Variants in SLC9A5 observed in about 807,000 individuals in gnomAD.
The protein encoded by SLC9A5 is solute carrier family 9 member A5.
In SLC9A5, 52 loss-of-function variants were observed where a neutral mutation model predicts 91.7. The ratio of observed to expected loss-of-function variants is 0.57; its 90% CI spans 0.45 to 0.71. SLC9A5 has a LOEUF of 0.71. Ranked by LOEUF, SLC9A5 falls within the 30% of genes least tolerant of loss-of-function variation. The pLI, the probability that SLC9A5 is intolerant of heterozygous loss-of-function variation, is 0.00. For missense variants in SLC9A5, 871 were observed against 1,158.9 expected (o/e 0.75, Z 3.61); for synonymous variants, 419 against 474.5 (o/e 0.88, Z 1.52).
chr16:67,254,423 G>A (rs1346761621), intron 2 of SLC9A5, among the ~76,000 whole-genome samples: 1 of 152,182 alleles, frequency 6.6e-6, no homozygotes, highest in Non-Finnish European at 1.5e-5. Flanking sequence ...TTGAGACTGA[G>A]TCTCACTGTG....
chr16:67,255,678 C>T lies in SLC9A5; in HGVS notation c.734-75C>T, dbSNP rs1027475853. On this transcript the variant is annotated intron_variant, in intron 4 of 15. Transcript: ENST00000299798. This position sits in a 1 kb window ranked among gnomAD's most constrained non-coding sequence, Gnocchi z 4.9. ...TGCGGTGGGCATCATCCCTCACTCC[C>T]TGCCAGGCAGCAGTCTTGTCAGCCC... 4 of 1,479,984 alleles carry T rather than the reference C, an allele frequency of 2.7e-6. No individual in the cohort carries two copies. Among genetic ancestry groups the T allele is most frequent in the African/African-American group, 2.8e-5 (2 of 71,808 alleles). The allele number at this position is 1,479,984 out of a possible 1,614,324, so 91.7% of individuals were successfully genotyped here.
At chr16:67,250,973 A>T (rs909383083) in intron 1 of SLC9A5, among the ~76,000 whole-genome samples, 3 of 152,246 alleles carry the variant, frequency 2.0e-5, no homozygotes, top group Non-Finnish European at 4.4e-5. Context: ...CCCCTCCTAC[A>T]GACAGAACTG....
At chr16:67,265,246 C>T in intron 14 of SLC9A5, 140 bp downstream of exon 14, 3 of 730,274 alleles carry the variant, frequency 4.1e-6, no homozygotes, top group Non-Finnish European at 7.0e-6. Context: ...GACTTGATTT[C>T]CAAGTTGGAA....
chr16:67,255,101 G>T lies in SLC9A5; in HGVS notation c.571G>T (p.Ala191Ser). ...GGCGGTGGACCCCGTGGCCGTGCTAGCTGTCTTTGAGGAGGTGCACGTCAA... is the reference window on the plus strand; with the variant it reads ...GGCGGTGGACCCCGTGGCCGTGCTATCTGTCTTTGAGGAGGTGCACGTCAA... ...ISAVDPVAVL[A>S]VFEEVHVNET... Residue 191 changes from alanine (A) to serine (S), a missense_variant, in exon 3 of 16, where the codon GCT (alanine) becomes TCT (serine). Ala to Ser is a moderately conservative substitution (Grantham distance 99, BLOSUM62 1). Coordinates refer to ENST00000299798, the MANE Select transcript of SLC9A5 (RefSeq NM_004594.3). This position sits in a 1 kb window ranked among gnomAD's most constrained non-coding sequence, Gnocchi z 4.9. 4 of 1,614,102 alleles carry T rather than the reference G, an allele frequency of 2.5e-6. No homozygotes were observed. The highest frequency in any genetic ancestry group is 3.4e-6 in the Non-Finnish European group (4 of 1,180,004).
rs749009206 is a variant in SLC9A5 at position 67,259,812 on chromosome 16, T to C, written c.1716-8T>C. On this transcript the variant is annotated splice_region_variant and splice_polypyrimidine_tract_variant and intron_variant, in intron 11 of 15. Coordinates refer to ENST00000299798, the MANE Select transcript of SLC9A5 (RefSeq NM_004594.3). ...CTCTCCAGCACATGTGTCCCCTGCC[T>C]CCTGCAGGAGGGAGAGTGGCAGTGG... 9.9e-6 allele frequency: 16 copies of C among 1,613,804 alleles called. No homozygotes were observed. The highest frequency in any genetic ancestry group is 1.7e-4 in the Middle Eastern group (1 of 6,058).
chr16:67,268,150 T>C (rs1264466994), intron 15 of SLC9A5, among the ~76,000 whole-genome samples: 1 of 150,616 alleles, frequency 6.6e-6, no homozygotes, highest in African/African-American at 2.4e-5. Flanking sequence ...TAGCTGGGAC[T>C]ACAGGCACAC....
Position 67,255,121 on chromosome 16 carries a change from C to T in SLC9A5, c.591C>T (p.His197=), listed in dbSNP as rs771882431. 1.2e-5 allele frequency: 19 copies of T among 1,613,920 alleles called. No individual in the cohort carries two copies. In the African/African-American group the frequency reaches 1.2e-4, roughly 10 times the overall value. ...TGCTAGCTGTCTTTGAGGAGGTGCA[C>T]GTCAATGAGACTCTCTTTATCATCG... ...VAVLAVFEEV[H]VNETLFIIVF... is the part of the protein sequence containing the mutation. Residue 197 remains histidine, a synonymous_variant, in exon 3 of 16, where the codon CAC becomes CAT. Transcript: ENST00000299798. This position sits in a 1 kb window ranked among gnomAD's most constrained non-coding sequence, Gnocchi z 4.9.
intron 12 of SLC9A5, chr16:67,263,222 T>C (rs1263186805): frequency 6.6e-6 from 1 of 151,934 alleles, no homozygotes; most frequent in Non-Finnish European, 1.5e-5. Context: ...GGACCCCTTC[T>C]CCCCAGGAGA....
At position 67,258,618 on chromosome 16, in the gene SLC9A5, C is replaced by T. The variant is rs1365732041; in HGVS notation, c.1626+171C>T. Among the ~76,000 whole-genome samples, 1 of 152,192 alleles carries T rather than the reference C, an allele frequency of 6.6e-6. No homozygotes were observed. Among genetic ancestry groups the T allele is most frequent in the Non-Finnish European group, 1.5e-5 (1 of 68,040 alleles). ...AGGAAGCAGCTGGGTCTGGTGCTGA[C>T]ATTCAGAGTCTGGCAGGCAGTCCAG... is the stretch of plus-strand genomic sequence containing the variant. On this transcript the variant is annotated intron_variant, in intron 10 of 15. Transcript: ENST00000299798. The surrounding 1 kb of genome is among the most constrained non-coding windows in gnomAD (Gnocchi z 4.5).
chr16:67,264,207 T>A (rs2035623776), intron 12 of SLC9A5, 145 bp from the exon 13 acceptor site: 1 of 674,122 alleles, frequency 1.5e-6, no homozygotes. Context: ...CTGTTGTATT[T>A]TTTGTTTTGT....
At position 67,256,769 on chromosome 16, in the gene SLC9A5, C is replaced by A; in HGVS notation, c.1132+80C>A. The A allele has an allele frequency of 7.4e-7, 1 of 1,356,978 alleles. No individual in the cohort carries two copies. The allele number at this position is 1,356,978 out of a possible 1,614,324, so 84.1% of individuals were successfully genotyped here. A position where few individuals can be genotyped will look rare whatever the true frequency, so the allele number is the denominator to read the frequency against. On this transcript the variant is annotated intron_variant, in intron 6 of 15. Coordinates refer to ENST00000299798, the MANE Select transcript of SLC9A5 (RefSeq NM_004594.3). The surrounding 1 kb of genome is among the most constrained non-coding windows in gnomAD (Gnocchi z 4.1). The stretch of plus-strand genomic sequence containing the variant: ...CAGCTCATCTCCCTATCTGAGTCCA[C>A]ATCTTTGTCAATTCCTAAGCCTCCT...
chr16:67,268,704 ATATATATT>A lies in SLC9A5; in HGVS notation c.2219-2032_2219-2025del, dbSNP rs1390602149. Among the ~76,000 whole-genome samples the A allele has an allele frequency of 2.6e-3, 239 of 91,090 alleles. 6 individuals carry two copies. Among genetic ancestry groups the A allele is most frequent in the African/African-American group, 5.8e-3 (132 of 22,710 alleles). The allele number at this position is 91,090 out of a possible 152,430, so 59.8% of individuals were successfully genotyped here. A position where few individuals can be genotyped will look rare whatever the true frequency, so the allele number is the denominator to read the frequency against. Reference sequence around the variant, plus strand: ...TATATATATATATATATATATATATATATATATTTTTACAGTAGGCTTGTCCAATGTCC... The same window carrying A: ...TATATATATATATATATATATATATATTTACAGTAGGCTTGTCCAATGTCC... On this transcript the variant is annotated intron_variant, in intron 15 of 15. Coordinates refer to ENST00000299798, the MANE Select transcript of SLC9A5 (RefSeq NM_004594.3).
rs143734619 is a variant in SLC9A5, at chr16:67,252,494, G to T, written c.188-48G>T. Reference sequence around the variant, plus strand: ...TGGGAGTTCATAGGCCTGTGTGTGGGAGGATATTCCATAAACTGATCCATC... The same window carrying T: ...TGGGAGTTCATAGGCCTGTGTGTGGTAGGATATTCCATAAACTGATCCATC... On this transcript the variant is annotated intron_variant, in intron 1 of 15. Coordinates refer to ENST00000299798, the MANE Select transcript of SLC9A5 (RefSeq NM_004594.3). The surrounding 1 kb of genome is among the most constrained non-coding windows in gnomAD (Gnocchi z 4.0). 6.0e-6 allele frequency: 9 copies of T among 1,505,470 alleles called. No individual in the cohort carries two copies. In the East Asian group the frequency reaches 2.0e-4, roughly 34 times the overall value. 93.3% of individuals were successfully genotyped at this position (1,505,470 alleles called of 1,614,324 possible).
intron 15 of SLC9A5, 27 bp downstream of exon 15, chr16:67,266,252 C>T (rs780231487): frequency 6.4e-7 from 1 of 1,560,706 alleles, no homozygotes; most frequent in Non-Finnish European, 8.6e-7. Flanking sequence ...TGCCCACCTC[C>T]CCTCTGGAGC....
chr16:67,252,106 G>A lies in SLC9A5; in HGVS notation c.188-436G>A, dbSNP rs1012817796. On this transcript the variant is annotated intron_variant, in intron 1 of 15. Transcript: ENST00000299798. This position sits in a 1 kb window ranked among gnomAD's most constrained non-coding sequence, Gnocchi z 4.0. ...CTGCAGGGGAGGGTTTGTAGCCCTG[G>A]AGATTGGAAATTCTAGAAGTCTTGC... 6.6e-6 allele frequency among the ~76,000 whole-genome samples: 1 copy of A among 152,152 alleles called. No individual in the cohort carries two copies. Among genetic ancestry groups the A allele is most frequent in the Non-Finnish European group, 1.5e-5 (1 of 68,028 alleles).
chr16:67,267,426 C>T (rs780258167), intron 15 of SLC9A5, among the ~76,000 whole-genome samples: 4 of 151,966 alleles, frequency 2.6e-5, no homozygotes, highest in African/African-American at 7.3e-5. Context: ...GATGAGGTTT[C>T]ACTGTGTTGC....
Position 67,264,460 on chromosome 16 carries a change from A to G in SLC9A5, c.1951A>G (p.Thr651Ala), listed in dbSNP as rs1228863661. 1 of 1,614,028 alleles carries G rather than the reference A, an allele frequency of 6.2e-7. No homozygotes were observed. The highest frequency in any genetic ancestry group is 1.3e-5 in the African/African-American group (1 of 74,918). The change falls in exon 13 of 16, where the codon ACC (threonine) becomes GCC (alanine). Residue 651 changes from threonine (T) to alanine (A), a missense_variant. Physicochemically the swap from Thr to Ala is moderately conservative, Grantham distance 58. Coordinates refer to ENST00000299798, the MANE Select transcript of SLC9A5 (RefSeq NM_004594.3). ...GCGGCGGCTGGAGTCCTTTAAGTCC[A>G]CCAAGCACAACATCTGCTTCACCAA... Reference protein sequence around the residue: ...MKRRLESFKSTKHNICFTKSK... With the variant: ...MKRRLESFKSAKHNICFTKSK...
In SLC9A5 at chr16:67,271,555, C is replaced by T. The variant is rs574463848; in HGVS notation, c.*345C>T. ...GACTCTATAGGCAGCTGCTCCTGCC[C>T]GCAAAGCAAGAGCATCATTCCTATT... On this transcript the variant is annotated 3_prime_UTR_variant, in exon 16 of 16. Coordinates refer to ENST00000299798, the MANE Select transcript of SLC9A5 (RefSeq NM_004594.3). 15 of 289,248 alleles carry T rather than the reference C, an allele frequency of 5.2e-5. No homozygotes were observed. The highest frequency in any genetic ancestry group is 1.1e-3 in the Middle Eastern group (1 of 918). The allele number at this position is 289,248 out of a possible 1,614,324, so 17.9% of individuals were successfully genotyped here.
Position 67,249,003 on chromosome 16 carries a change from G to A in SLC9A5, c.-12G>A, listed in dbSNP as rs764091021. The A allele has an allele frequency of 1.3e-4, 162 of 1,292,728 alleles. No individual in the cohort carries two copies. The highest frequency in any genetic ancestry group is 1.4e-4 in the Non-Finnish European group (143 of 1,018,080). The allele number at this position is 1,292,728 out of a possible 1,614,324, so 80.1% of individuals were successfully genotyped here. A position where few individuals can be genotyped will look rare whatever the true frequency, so the allele number is the denominator to read the frequency against. On this transcript the variant is annotated 5_prime_UTR_variant, in exon 1 of 16. Transcript: ENST00000299798. Reference sequence around the variant, plus strand: ...CGTGCGGTGCCGGGAGGGCGGCTGGGCAGGCGGCAGGATGCTGCGCGCCGC... The same window carrying A: ...CGTGCGGTGCCGGGAGGGCGGCTGGACAGGCGGCAGGATGCTGCGCGCCGC...
Sources: gnomAD v4.1 joint callset for allele counts (sites outside exome capture counted in the v4.1 genomes callset) on GRCh38, gnomAD v4.1.1 for gene constraint, Gnocchi (gnomAD v3.1) non-coding constraint, MANE v1.5 for transcripts, NCBI Gene and HGNC (gene_info 2026-07-23, HGNC 2026-07-21) for gene names.